The following WDFY2 variants were observed in gnomAD, a reference collection of about 807,000 sequenced individuals.
The protein encoded by WDFY2 is WD repeat and FYVE domain-containing protein 2.
In WDFY2, 36 loss-of-function variants were observed where a neutral mutation model predicts 56.4. The ratio of observed to expected loss-of-function variants is 0.64; its 90% confidence interval spans 0.49 to 0.84. The LOEUF (loss-of-function observed/expected upper bound fraction) is 0.84, where lower values mean the gene tolerates loss of function less well. Ranked by LOEUF, WDFY2 falls within the 40% of genes least tolerant of loss-of-function variation. The pLI is 0.00. For synonymous variants in WDFY2, 176 were observed against 183.7 expected, an observed-to-expected ratio of 0.96 and a Z score of 0.34; for missense variants, 444 against 512.2, an observed-to-expected ratio of 0.87 and a Z score of 1.29.
At position 51,765,336 on chromosome 13, in the gene WDFY2, T is replaced by TC. The variant is rs1052877474; in HGVS notation, c.*5569dup. 1.3e-5 allele frequency: 2 copies of TC among 152,322 alleles called. No homozygotes were observed. The highest frequency in any genetic ancestry group is 1.3e-4 in the Admixed American group (2 of 15,306). The allele number at this position is 152,322 out of a possible 1,614,324, so 9.4% of individuals were successfully genotyped here. A position where few individuals can be genotyped will look rare whatever the true frequency, so the allele number is the denominator to read the frequency against. On this transcript the variant is annotated 3_prime_UTR_variant, in exon 12 of 12. Coordinates refer to ENST00000298125, the MANE Select transcript of WDFY2 (RefSeq NM_052950.4). ...TGTATTTTTGCCTTTAAGCATTATCTCCTTTCCACCAAGAAGCCTACTTAG... is the reference window on the plus strand; with the variant it reads ...TGTATTTTTGCCTTTAAGCATTATCTCCCTTTCCACCAAGAAGCCTACTTAG...
chr13:51,753,226 A>C (rs1953277254), intron 8 of WDFY2: 1 of 152,240 alleles, frequency 6.6e-6, no homozygotes, highest in Admixed American at 6.5e-5. Context: ...CAAGGTGAAC[A>C]CGATAGGTTG....
intron 1 of WDFY2, among the ~76,000 whole-genome samples, chr13:51,630,688 C>T (rs1954935478): frequency 6.6e-6 from 1 of 151,472 alleles, no homozygotes; most frequent in African/African-American, 2.4e-5. Flanking sequence ...TTGGTCTTAC[C>T]CTTGGCTTTT....
At position 51,702,821 on chromosome 13, in the gene WDFY2, A is replaced by G. The variant is rs552412405; in HGVS notation, c.280-775A>G. 2.6e-5 allele frequency among the ~76,000 whole-genome samples: 4 copies of G among 152,302 alleles called. No individual in the cohort carries two copies. In the East Asian group the frequency reaches 7.7e-4, roughly 29 times the overall value. On this transcript the variant is annotated intron_variant, in intron 3 of 11. Coordinates refer to ENST00000298125, the MANE Select transcript of WDFY2 (RefSeq NM_052950.4). ...TTTGCAGCTTTCCTTATGTTTTATA[A>G]TATACTCTTAAAGAATACCTGGATA...
chr13:51,667,479 G>A (rs1350001120), intron 2 of WDFY2, among the ~76,000 whole-genome samples: 1 of 152,128 alleles, frequency 6.6e-6, no homozygotes, highest in East Asian at 1.9e-4. Context: ...TGGGTGTTTT[G>A]GAGTTGGGGG....
intron 2 of WDFY2, among the ~76,000 whole-genome samples, chr13:51,665,258 A>T (rs1955679030): frequency 6.6e-6 from 1 of 152,232 alleles, no homozygotes; most frequent in South Asian, 2.1e-4. Context: ...CAAAAAGAAT[A>T]TCCCCTTGGT....
intron 1 of WDFY2, among the ~76,000 whole-genome samples, chr13:51,642,164 CAT>C (rs569063096): frequency 4.6e-5 from 7 of 152,170 alleles, no homozygotes; most frequent in Non-Finnish European, 7.4e-5. Flanking sequence ...TCACATTTTC[CAT>C]ATCTTTGTCT....
rs1311778682 is a variant in WDFY2, at chr13:51,766,792, T to G, written c.*7023T>G. On this transcript the variant is annotated 3_prime_UTR_variant, in exon 12 of 12. Transcript: ENST00000298125. ...TTTAAAATAAATCTCTGTGAAAACC[T>G]TTCTGCAGCTATGGTCCCATCACGG... The G allele has an allele frequency of 6.6e-6, 1 of 152,264 alleles. No homozygotes were observed. Among genetic ancestry groups the G allele is most frequent in the Admixed American group, 6.5e-5 (1 of 15,284 alleles). 9.4% of individuals were successfully genotyped at this position (152,264 alleles called of 1,614,324 possible).
intron 6 of WDFY2, among the ~76,000 whole-genome samples, chr13:51,735,957 C>CAAGA (rs1162300312): frequency 6.6e-6 from 1 of 152,154 alleles, no homozygotes; most frequent in Non-Finnish European, 1.5e-5. Context: ...TCTGTGTTGC[C>CAAGA]AAGAACTCCC....
intron 2 of WDFY2, among the ~76,000 whole-genome samples, chr13:51,669,042 C>T (rs1955763067): frequency 6.6e-6 from 1 of 152,060 alleles, no homozygotes; most frequent in Admixed American, 6.5e-5. Flanking sequence ...TTAAAAATAC[C>T]AATTTTGAGA....
chr13:51,667,700 C>T (rs945314542), intron 2 of WDFY2, among the ~76,000 whole-genome samples: 1 of 151,962 alleles, frequency 6.6e-6, no homozygotes, highest in Non-Finnish European at 1.5e-5. Context: ...TTCAAAAAAA[C>T]CTCTGGGTTC....
At chr13:51,701,851 T>C (rs1951991736) in intron 3 of WDFY2, among the ~76,000 whole-genome samples, 1 of 152,158 alleles carries the variant, frequency 6.6e-6, no homozygotes, top group African/African-American at 2.4e-5. Context: ...ATAAATTTAT[T>C]TGTGTATGTG....
At chr13:51,719,534 G>A (rs1026897658) in intron 5 of WDFY2, among the ~76,000 whole-genome samples, 186 bp downstream of exon 5, 5 of 152,116 alleles carry the variant, frequency 3.3e-5, no homozygotes, top group Admixed American at 6.5e-5. Flanking sequence ...AGTGAAGTGC[G>A]GTCACTTGAC....
chr13:51,653,130 CTCT>C (rs1955432152), intron 1 of WDFY2, among the ~76,000 whole-genome samples: 1 of 152,186 alleles, frequency 6.6e-6, no homozygotes, highest in African/African-American at 2.4e-5. Context: ...CTCTAAACTG[CTCT>C]TCTTGCTTCA....
chr13:51,651,040 G>C (rs1955371971), intron 1 of WDFY2, among the ~76,000 whole-genome samples: 1 of 152,136 alleles, frequency 6.6e-6, no homozygotes, highest in African/African-American at 2.4e-5. Flanking sequence ...ACTGCATCTG[G>C]TCCTGGACTT....
intron 6 of WDFY2, among the ~76,000 whole-genome samples, chr13:51,736,218 A>T (rs1952831928): frequency 6.6e-6 from 1 of 152,156 alleles, no homozygotes; most frequent in South Asian, 2.1e-4. Context: ...GTTTATATAT[A>T]TTAACCCAAT....
At position 51,758,215 on chromosome 13, in the gene WDFY2, A is replaced by G. The variant is rs1413567774; in HGVS notation, c.1088A>G (p.His363Arg). 6.3e-7 allele frequency: 1 copy of G among 1,588,640 alleles called. No individual in the cohort carries two copies. The highest frequency in any genetic ancestry group is 1.3e-5 in the African/African-American group (1 of 74,612). The stretch of plus-strand genomic sequence containing the variant: ...AGACGTGCACCCACAGCCACCTTCC[A>G]TGACAGTAAACATAACATTGTGCAT... ...DEERAPTATF[H>R]DSKHNIVHVH... Residue 363 changes from histidine (H) to arginine (R), a missense_variant, in exon 11 of 12, where the codon CAT becomes CGT. Coordinates refer to ENST00000298125, the MANE Select transcript of WDFY2 (RefSeq NM_052950.4).
intron 2 of WDFY2, 37 bp downstream of exon 2, chr13:51,660,700 T>C (rs2138457371): frequency 6.3e-7 from 1 of 1,587,324 alleles, no homozygotes; most frequent in Non-Finnish European, 8.6e-7. Flanking sequence ...AAACCAGACA[T>C]GTCCTTCCCA....
intron 4 of WDFY2, among the ~76,000 whole-genome samples, chr13:51,714,955 A>G (rs960092614): frequency 3.9e-5 from 6 of 152,232 alleles, no homozygotes; most frequent in African/African-American, 1.4e-4. Context: ...TTGTAGCACA[A>G]TGGTATTTGT....
intron 1 of WDFY2, chr13:51,589,296 C>T (rs1370503447): frequency 6.6e-6 from 1 of 151,874 alleles, no homozygotes; most frequent in Non-Finnish European, 1.5e-5. Context: ...GGGTAATCAA[C>T]AATACAATAT....
Sources: gnomAD v4.1 joint callset for allele counts (sites outside exome capture counted in the v4.1 genomes callset) on GRCh38, gnomAD v4.1.1 for gene constraint, MANE v1.5 for transcripts, NCBI Gene and HGNC (gene_info 2026-07-23, HGNC 2026-07-21) for gene names.